Variants in RANBP3 observed in about 807,000 individuals in gnomAD.
The protein encoded by RANBP3 is RAN binding protein 3, also known as ran-binding protein 3.
Under a neutral mutation model 77.3 loss-of-function variants are expected in RANBP3, and 14 were observed. That is an observed-to-expected ratio of 0.18 (90% confidence interval 0.12 to 0.28). The LOEUF is 0.28. Among genes scored for constraint, RANBP3 ranks in the 10% least tolerant of loss-of-function variants. RANBP3 has a pLI of 1.00. For missense variants in RANBP3, 586 were observed against 752.3 expected (o/e 0.78, Z 2.59); for synonymous variants, 315 against 312.4 (o/e 1.01, Z -0.09).
chr19:5,956,918 G>T (rs1295563466), intron 2 of RANBP3, among the ~76,000 whole-genome samples: 1 of 152,180 alleles, frequency 6.6e-6, no homozygotes, highest in Non-Finnish European at 1.5e-5. Context: ...AAAATGCACC[G>T]AATTCAGCAC....
At position 5,958,398 on chromosome 19, in the gene RANBP3, C is replaced by T. The variant is rs1176216430; in HGVS notation, c.23-425G>A. On this transcript the variant is annotated intron_variant, in intron 1 of 16. Coordinates refer to ENST00000340578, the MANE Select transcript of RANBP3 (RefSeq NM_007322.3). This position sits in a 1 kb window ranked among gnomAD's most constrained non-coding sequence, Gnocchi z 4.4. ...ACAGGCCAGAGGGCAAAAAAAAGGG[C>T]CACCGCTCGCGCTGTTTGCAGACAG... Among the ~76,000 whole-genome samples the T allele has an allele frequency of 1.3e-5, 2 of 152,208 alleles. No homozygotes were observed. Among genetic ancestry groups the T allele is most frequent in the Non-Finnish European group, 2.9e-5 (2 of 68,038 alleles).
At chr19:5,947,517 C>T (rs1470291442) in intron 3 of RANBP3, among the ~76,000 whole-genome samples, 15 of 152,114 alleles carry the variant, frequency 9.9e-5, no homozygotes, top group Admixed American at 9.8e-4. Flanking sequence ...CCGGGGAATG[C>T]TGGGTCAGCA....
At chr19:5,975,799 T>C (rs1001788505) in intron 1 of RANBP3, among the ~76,000 whole-genome samples, 3 of 151,040 alleles carry the variant, frequency 2.0e-5, no homozygotes, top group African/African-American at 7.3e-5. Context: ...AAGTGAGCCA[T>C]GGGGGTATCT....
rs1476499028 is a variant in RANBP3 at position 5,916,385 on chromosome 19, CTT to C, written c.*1223_*1224del. On this transcript the variant is annotated 3_prime_UTR_variant, in exon 17 of 17. Coordinates refer to ENST00000340578, the MANE Select transcript of RANBP3 (RefSeq NM_007322.3). ...ACGGCACAGCTGCAGGAGGCCTTCTCTTAACCCTCCGAGAGTGGGACTGGGAG... is the reference window on the plus strand; with the variant it reads ...ACGGCACAGCTGCAGGAGGCCTTCTCAACCCTCCGAGAGTGGGACTGGGAG... 1 of 152,208 alleles carries C rather than the reference CTT, an allele frequency of 6.6e-6. No individual in the cohort carries two copies. Among genetic ancestry groups the C allele is most frequent in the African/African-American group, 2.4e-5 (1 of 41,430 alleles). 9.4% of individuals were successfully genotyped at this position (152,208 alleles called of 1,614,324 possible).
chr19:5,922,765 C>A (rs895256581), intron 13 of RANBP3, among the ~76,000 whole-genome samples: 5 of 152,122 alleles, frequency 3.3e-5, no homozygotes, highest in Non-Finnish European at 5.9e-5. Context: ...CATGGGGAAA[C>A]CCCGTCTCTA....
chr19:5,927,776 G>A (rs1049924487), intron 9 of RANBP3, among the ~76,000 whole-genome samples, 192 bp downstream of exon 9: 1 of 152,178 alleles, frequency 6.6e-6, no homozygotes, highest in Admixed American at 6.5e-5. Context: ...CTGGGCTGCT[G>A]GTGGGGAAGT....
At chr19:5,919,152 G>A (rs2057784864) in intron 14 of RANBP3, among the ~76,000 whole-genome samples, 1 of 152,270 alleles carries the variant, frequency 6.6e-6, no homozygotes, top group African/African-American at 2.4e-5. Flanking sequence ...CTTAGGAGAA[G>A]GCAGAGTAGG....
chr19:5,963,999 G>A (rs2145240405), intron 1 of RANBP3, among the ~76,000 whole-genome samples: 1 of 152,320 alleles, frequency 6.6e-6, no homozygotes, highest in South Asian at 2.1e-4. Context: ...TGGTACCCCA[G>A]GAAAACAGCA....
intron 2 of RANBP3, among the ~76,000 whole-genome samples, chr19:5,957,542 C>T (rs2058349782): frequency 6.8e-6 from 1 of 146,836 alleles, no homozygotes; most frequent in South Asian, 2.2e-4. Context: ...CTCCCTCCCT[C>T]CCTCCCTGAC....
chr19:5,967,907 C>T (rs1245719756), intron 1 of RANBP3, among the ~76,000 whole-genome samples: 1 of 152,074 alleles, frequency 6.6e-6, no homozygotes, highest in Non-Finnish European at 1.5e-5. Flanking sequence ...ATCCCAGCTA[C>T]TCGGGAGGCT....
At chr19:5,955,899 C>T (rs190151131) in intron 2 of RANBP3, among the ~76,000 whole-genome samples, 81 of 152,194 alleles carry the variant, frequency 5.3e-4, no homozygotes, top group Non-Finnish European at 7.9e-4. Flanking sequence ...GCCATAAGTT[C>T]GAGACCAGCT....
intron 6 of RANBP3, 48 bp from the exon 7 acceptor site, chr19:5,932,592 C>A: frequency 2.7e-6 from 4 of 1,498,446 alleles, no homozygotes; most frequent in Non-Finnish European, 3.7e-6. Flanking sequence ...CCCTGCCTGC[C>A]CCCAGGCGCT....
intron 2 of RANBP3, among the ~76,000 whole-genome samples, chr19:5,957,516 T>A (rs563956785): frequency 1.3e-5 from 2 of 151,942 alleles, no homozygotes; most frequent in African/African-American, 4.8e-5. Flanking sequence ...TAACCACCAT[T>A]GCTCTCCTCC....
intron 13 of RANBP3, among the ~76,000 whole-genome samples, chr19:5,922,768 C>T (rs867137743): frequency 9.2e-5 from 14 of 151,988 alleles, no homozygotes; most frequent in Admixed American, 5.2e-4. Flanking sequence ...GGGGAAACCC[C>T]GTCTCTACTA....
At chr19:5,922,389 C>T (rs185135748) in intron 13 of RANBP3, among the ~76,000 whole-genome samples, 9 of 152,276 alleles carry the variant, frequency 5.9e-5, no homozygotes, top group Admixed American at 1.3e-4. Context: ...ATACGCCACC[C>T]GGTTTACAGA....
intron 8 of RANBP3, chr19:5,928,383 C>G (rs1237891232): frequency 8.3e-6 from 2 of 239,718 alleles, no homozygotes; most frequent in Non-Finnish European, 1.6e-5. Context: ...CAGGAAATAA[C>G]CTGGTTGCTC....
chr19:5,935,615 G>T (rs1331538269), intron 5 of RANBP3: 5 of 439,998 alleles, frequency 1.1e-5, no homozygotes, highest in East Asian at 1.4e-4. Context: ...CGCTAACGCT[G>T]AGGGGAGCCT....
In RANBP3 at chr19:5,951,598, T is replaced by G. The variant is rs2058276956; in HGVS notation, c.79-2A>C. 6.2e-7 allele frequency: 1 copy of G among 1,612,360 alleles called. No individual in the cohort carries two copies. The highest frequency in any genetic ancestry group is 2.2e-5 in the East Asian group (1 of 44,862). On this transcript the variant is annotated splice_acceptor_variant, in intron 2 of 16. Coordinates refer to ENST00000340578, the MANE Select transcript of RANBP3 (RefSeq NM_007322.3). LOFTEE classifies it high-confidence loss of function. Reference sequence around the variant, plus strand: ...CAAGTTTTTTTGCTCTGCAGGGGACTGGGAGCAAAAAAGACAATTTTCCTT... The same window carrying G: ...CAAGTTTTTTTGCTCTGCAGGGGACGGGGAGCAAAAAAGACAATTTTCCTT...
chr19:5,972,602 T>C (rs2058543519), intron 1 of RANBP3, among the ~76,000 whole-genome samples: 1 of 152,176 alleles, frequency 6.6e-6, no homozygotes. Flanking sequence ...ATCTCGGCAG[T>C]TTTGTGGTCC....
Sources: allele counts gnomAD v4.1 joint callset (sites outside exome capture counted in the v4.1 genomes callset), GRCh38; gene constraint gnomAD v4.1.1; non-coding constraint Gnocchi (gnomAD v3.1); transcripts MANE v1.5; gene names NCBI Gene and HGNC (gene_info 2026-07-23, HGNC 2026-07-21).